Variants in GPALPP1 observed in about 807,000 individuals in gnomAD.
The protein encoded by GPALPP1 is GPALPP motifs-containing protein 1.
A neutral mutation model predicts 38.9 loss-of-function variants in GPALPP1; 30 were observed. That is an observed-to-expected ratio of 0.77 (90% CI 0.58 to 1.05). The LOEUF is 1.05. Ranked by LOEUF, GPALPP1 falls within the 50% of genes least tolerant of loss-of-function variation. GPALPP1 has a pLI of 0.00. For synonymous variants in GPALPP1, 120 were observed against 139.2 expected, an observed-to-expected ratio of 0.86 and a Z score of 0.97; for missense variants, 384 against 408.8, an observed-to-expected ratio of 0.94 and a Z score of 0.52.
Position 45,004,403 on chromosome 13 carries a change from G to C in GPALPP1, c.187G>C (p.Glu63Gln). The C allele has an allele frequency of 6.2e-7, 1 of 1,610,012 alleles. No individual in the cohort carries two copies. The highest frequency in any genetic ancestry group is 1.1e-5 in the South Asian group (1 of 90,988). Residue 63 changes from glutamate to glutamine, a missense_variant, in exon 2 of 8, where the codon GAA (glutamate) becomes CAA (glutamine). By Grantham distance (29) the Glu-to-Gln change is conservative. Transcript: ENST00000379151. ...SSSLYEEGNQ[E>Q]SEEDDSGPTA... ...TTCTTTGTACGAAGAAGGAAATCAAGAATCTGAAGAAGATGACAGTGGTCC... is the reference window on the plus strand; with the variant it reads ...TTCTTTGTACGAAGAAGGAAATCAACAATCTGAAGAAGATGACAGTGGTCC...
chr13:45,016,013 G>GAA (rs893730664), intron 6 of GPALPP1, among the ~76,000 whole-genome samples: 1 of 145,558 alleles, frequency 6.9e-6, no homozygotes. Context: ...AAATATTTTA[G>GAA]AAAAAAAAAA....
intron 7 of GPALPP1, among the ~76,000 whole-genome samples, chr13:45,027,498 C>T (rs755949989): frequency 8.5e-5 from 13 of 152,154 alleles, no homozygotes; most frequent in African/African-American, 2.9e-4. Context: ...GTCCATTTAG[C>T]CTTCAAAGAC....
rs201432862 is a variant in GPALPP1 at position 45,010,982 on chromosome 13, CAAAAAGA to C, written c.408+2116_408+2122del. On this transcript the variant is annotated intron_variant, in intron 4 of 7. Transcript: ENST00000379151. ...TGGGTGACAGAGCGAGACCCTGTCT[CAAAAAGA>C]AAAAAGAAAAAAAAAGAAAAGGTCT... Among the ~76,000 whole-genome samples, 973 of 149,586 alleles carry C rather than the reference CAAAAAGA, an allele frequency of 6.5e-3. 9 individuals are homozygous for C. Among genetic ancestry groups the C allele is most frequent in the African/African-American group, 0.023 (920 of 40,610 alleles).
intron 1 of GPALPP1, among the ~76,000 whole-genome samples, chr13:44,991,846 A>G (rs1282330334): frequency 6.6e-6 from 1 of 152,228 alleles, no homozygotes; most frequent in Non-Finnish European, 1.5e-5. Flanking sequence ...CTATCTTGGT[A>G]CTACATTACT....
chr13:44,993,660 C>T (rs1277940036), intron 1 of GPALPP1, among the ~76,000 whole-genome samples: 2 of 147,342 alleles, frequency 1.4e-5, no homozygotes, highest in Admixed American at 6.8e-5. Context: ...CCAGCCTGGG[C>T]GACAGATCGA....
At chr13:45,025,466 G>C (rs1184743529) in intron 7 of GPALPP1, among the ~76,000 whole-genome samples, 1 of 152,038 alleles carries the variant, frequency 6.6e-6, no homozygotes, top group East Asian at 1.9e-4. Flanking sequence ...TTAATTTACA[G>C]AGATGTTGTG....
intron 1 of GPALPP1, chr13:44,990,382 C>T (rs961154931): frequency 6.3e-6 from 1 of 159,790 alleles, no homozygotes; most frequent in African/African-American, 2.4e-5. Flanking sequence ...TCCTTCAAGG[C>T]CCAACTTAAA....
chr13:45,037,226 A>G (rs1185337316), exon 8 of GPALPP1: 1 of 152,220 alleles, frequency 6.6e-6, no homozygotes, highest in Admixed American at 6.5e-5. Context: ...TTATCTTCAT[A>G]CAATCAGAGC....
chr13:45,021,454 A>G (rs1875423231), intron 7 of GPALPP1, among the ~76,000 whole-genome samples: 3 of 152,218 alleles, frequency 2.0e-5, no homozygotes, highest in African/African-American at 7.2e-5. Context: ...AAATTATCTG[A>G]CCACAAAGAA....
intron 1 of GPALPP1, among the ~76,000 whole-genome samples, chr13:44,996,748 A>T (rs1409273485): frequency 1.5e-5 from 2 of 137,828 alleles, no homozygotes; most frequent in Non-Finnish European, 3.0e-5. Context: ...CTCCCAAAGT[A>T]CTGGGATTAC....
intron 6 of GPALPP1, among the ~76,000 whole-genome samples, chr13:45,019,018 C>CATATAAATATATATAT (rs765310502): frequency 1.1e-3 from 12 of 11,296 alleles, no homozygotes; most frequent in African/African-American, 3.9e-3. Flanking sequence ...AATATATATA[C>CATATAAATATATATAT]ACATATAAAT....
chr13:44,995,930 T>C (rs1873235912), intron 1 of GPALPP1, among the ~76,000 whole-genome samples: 1 of 152,166 alleles, frequency 6.6e-6, no homozygotes, highest in African/African-American at 2.4e-5. Context: ...TGTGCTGGAT[T>C]GTTTGCTGGT....
At chr13:44,989,943 G>A (rs1872661468) in intron 1 of GPALPP1, 1 of 593,960 alleles carries the variant, frequency 1.7e-6, no homozygotes, top group Non-Finnish European at 3.0e-6. Context: ...GCTTTGGCGT[G>A]GTTTGGCTTC....
intron 2 of GPALPP1, among the ~76,000 whole-genome samples, chr13:45,005,642 A>G (rs1290322271): frequency 6.6e-6 from 1 of 152,220 alleles, no homozygotes; most frequent in East Asian, 1.9e-4. Context: ...ACCACAGAAA[A>G]TATAGAATAG....
At chr13:45,031,378 C>T (rs1033880834), downstream of GPALPP1, 1 of 152,078 alleles carries the variant, frequency 6.6e-6, no homozygotes, top group Non-Finnish European at 1.5e-5. Flanking sequence ...TTTGTAGCTC[C>T]TCTTCCTTAT....
intron 6 of GPALPP1, among the ~76,000 whole-genome samples, chr13:45,017,368 G>A (rs1461153604): frequency 1.3e-5 from 2 of 152,172 alleles, no homozygotes; most frequent in Admixed American, 6.5e-5. Context: ...ATAGGAAGGT[G>A]AGGTGAACCA....
intron 7 of GPALPP1, among the ~76,000 whole-genome samples, chr13:45,022,678 A>G (rs909031857): frequency 2.6e-5 from 4 of 152,206 alleles, no homozygotes; most frequent in Non-Finnish European, 5.9e-5. Flanking sequence ...GACAAAAACC[A>G]ATCAAGTAGA....
intron 6 of GPALPP1, among the ~76,000 whole-genome samples, chr13:45,019,877 T>G (rs1875272282): frequency 8.6e-6 from 1 of 115,860 alleles, no homozygotes; most frequent in South Asian, 2.7e-4. Flanking sequence ...GTTAATATTT[T>G]GATTTTTTTT....
chr13:45,000,650 A>G (rs2137961434), intron 1 of GPALPP1, among the ~76,000 whole-genome samples: 1 of 152,332 alleles, frequency 6.6e-6, no homozygotes, highest in Admixed American at 6.5e-5. Context: ...AAGAGGAAAA[A>G]ACATATCTTC....
Sources: allele counts gnomAD v4.1 joint callset (sites outside exome capture counted in the v4.1 genomes callset), GRCh38; gene constraint gnomAD v4.1.1; transcripts MANE v1.5; gene names NCBI Gene and HGNC (gene_info 2026-07-23, HGNC 2026-07-21).